The following ZNF611 variants were observed in gnomAD, a reference collection of about 807,000 sequenced individuals.
The protein encoded by ZNF611 is zinc finger protein 611.
A neutral mutation model predicts 8.9 loss-of-function variants in ZNF611; 6 were observed. The observed-to-expected ratio is 0.68, with a 90% CI of 0.37 to 1.34. The LOEUF (loss-of-function observed/expected upper bound fraction) is 1.34. ZNF611 is among the 40% of genes most tolerant of loss of function. The pLI is 0.02. For missense variants in ZNF611, 874 were observed against 841.3 expected (o/e 1.04, Z -0.48); for synonymous variants, 262 against 279.7 (o/e 0.94, Z 0.63).
intron 1 of ZNF611, among the ~76,000 whole-genome samples, chr19:52,731,517 T>C (rs1027183632): frequency 4.6e-5 from 7 of 151,928 alleles, no homozygotes; most frequent in African/African-American, 1.7e-4. Flanking sequence ...GAGTCTGCCA[T>C]CACTACCGGC....
rs557712639 is a variant in ZNF611 at position 52,731,614 on chromosome 19, A to G, written c.-221-1609T>C. Among the ~76,000 whole-genome samples the G allele has an allele frequency of 6.0e-5, 9 of 151,028 alleles. No homozygotes were observed. The South Asian group carries it at 6.3e-4, about 11-fold the overall frequency. Reference sequence around the variant, plus strand: ...GAACTCCTGACCTCGTGATCCACCCACCTTGGCTTCCCAAAGTGCTGGGAT... The same window carrying G: ...GAACTCCTGACCTCGTGATCCACCCGCCTTGGCTTCCCAAAGTGCTGGGAT... On this transcript the variant is annotated intron_variant, in intron 1 of 5. Coordinates refer to ENST00000652185, the MANE Select transcript of ZNF611 (RefSeq NM_001161499.2).
intron 5 of ZNF611, chr19:52,707,606 A>T (rs561191244): frequency 4.0e-4 from 61 of 152,166 alleles, no homozygotes; most frequent in African/African-American, 1.5e-3. Context: ...AATTACCTAT[A>T]AGAACAGGCA....
Position 52,706,009 on chromosome 19 carries a change from T to A in ZNF611, c.1046A>T (p.Asp349Val). 1 of 1,614,160 alleles carries A rather than the reference T, an allele frequency of 6.2e-7. No individual in the cohort carries two copies. Among genetic ancestry groups the A allele is most frequent in the Non-Finnish European group, 8.5e-7 (1 of 1,180,034 alleles). ...GENPYKCNEC[D>V]KAFNQQSQLS... The stretch of plus-strand genomic sequence containing the variant: ...TTGTGATTGTTGATTAAAAGCCTTG[T>A]CACATTCATTACACTTGTAAGGATT... Residue 349 changes from aspartate to valine, a missense_variant, in exon 6 of 6, where the codon GAC becomes GTC. Asp to Val is a radical substitution (Grantham distance 152, BLOSUM62 -3). Coordinates refer to ENST00000652185, the MANE Select transcript of ZNF611 (RefSeq NM_001161499.2).
At chr19:52,729,339 C>T (rs978874361) in intron 2 of ZNF611, among the ~76,000 whole-genome samples, 4 of 151,078 alleles carry the variant, frequency 2.6e-5, no homozygotes, top group Non-Finnish European at 5.9e-5. Flanking sequence ...GAAAAGATTA[C>T]AAAATTAGCC....
chr19:52,710,817 T>C (rs1443441471), intron 5 of ZNF611, among the ~76,000 whole-genome samples: 1 of 152,148 alleles, frequency 6.6e-6, no homozygotes, highest in Non-Finnish European at 1.5e-5. Context: ...ATAGTACTCA[T>C]TTGTTTTAAA....
rs983578933 is a variant in ZNF611, at chr19:52,718,277, T to C, written c.-19-2364A>G. Among the ~76,000 whole-genome samples the C allele has an allele frequency of 2.0e-5, 3 of 151,966 alleles. No individual in the cohort carries two copies. In the East Asian group the frequency reaches 5.8e-4, roughly 29 times the overall value. ...ATCCCTTAACCCCAGGAGATGAAGG[T>C]TGCAGTGAGACGAGATCATGCCACT... On this transcript the variant is annotated intron_variant, in intron 3 of 5. Transcript: ENST00000652185.
intron 3 of ZNF611, among the ~76,000 whole-genome samples, chr19:52,725,226 G>A (rs983321008): frequency 6.6e-6 from 1 of 152,178 alleles, no homozygotes; most frequent in Non-Finnish European, 1.5e-5. Flanking sequence ...GGTGACTGCG[G>A]AGGGAAGACT....
chr19:52,729,626 A>AGT (rs1871592553), intron 2 of ZNF611, among the ~76,000 whole-genome samples: 1 of 152,182 alleles, frequency 6.6e-6, no homozygotes. Flanking sequence ...TAACAAGTGC[A>AGT]GTGTATCAGT....
chr19:52,711,714 C>T (rs1211689202), intron 5 of ZNF611, among the ~76,000 whole-genome samples: 1 of 152,130 alleles, frequency 6.6e-6, no homozygotes, highest in Non-Finnish European at 1.5e-5. Context: ...ATTTAAGCGG[C>T]CTCCTATAAT....
intron 3 of ZNF611, among the ~76,000 whole-genome samples, chr19:52,718,170 T>C (rs1399788720): frequency 6.6e-6 from 1 of 151,904 alleles, no homozygotes. Flanking sequence ...AGAAACCATG[T>C]CTCTACTAAA....
intron 5 of ZNF611, among the ~76,000 whole-genome samples, chr19:52,710,531 A>C (rs1029184631): frequency 2.0e-5 from 3 of 152,062 alleles, no homozygotes. Context: ...TGCCCGTCCA[A>C]TGTTTTTTAA....
In ZNF611 at chr19:52,703,121, A is replaced by G. The variant is rs2147410868; in HGVS notation, c.*1816T>C. 1 of 152,348 alleles carries G rather than the reference A, an allele frequency of 6.6e-6. No homozygotes were observed. The highest frequency in any genetic ancestry group is 1.5e-5 in the Non-Finnish European group (1 of 68,030). The allele number at this position is 152,348 out of a possible 1,614,324, so 9.4% of individuals were successfully genotyped here. On this transcript the variant is annotated 3_prime_UTR_variant, in exon 6 of 6. Coordinates refer to ENST00000652185, the MANE Select transcript of ZNF611 (RefSeq NM_001161499.2). The stretch of plus-strand genomic sequence containing the variant: ...AGGCATCTTTCAGAAGTCATTATGT[A>G]TTAAGAAATACAACTTTTATAACTT...
intron 4 of ZNF611, 60 bp downstream of exon 4, chr19:52,715,772 A>G: frequency 6.3e-7 from 1 of 1,599,406 alleles, no homozygotes; most frequent in South Asian, 1.1e-5. Context: ...TGGCTGCTAC[A>G]ATACCTGGCA....
At chr19:52,713,752 G>GT (rs2062295714) in intron 5 of ZNF611, among the ~76,000 whole-genome samples, 1 of 152,088 alleles carries the variant, frequency 6.6e-6, no homozygotes, top group African/African-American at 2.4e-5. Flanking sequence ...TTAGCTGGGT[G>GT]TGGTCTCGCA....
chr19:52,716,121 G>GAGA (rs2062315713), intron 3 of ZNF611: 3 of 556,356 alleles, frequency 5.4e-6, no homozygotes, highest in Non-Finnish European at 9.4e-6. Flanking sequence ...CTCTCTCCTG[G>GAGA]AGAAGCCACC....
chr19:52,720,083 G>A (rs1034595712), intron 3 of ZNF611, among the ~76,000 whole-genome samples: 3 of 152,284 alleles, frequency 2.0e-5, no homozygotes, highest in Non-Finnish European at 4.4e-5. Flanking sequence ...GCACGGGGTT[G>A]GGGGTAGGGT....
In ZNF611 at chr19:52,730,017, A is replaced by G. The variant is rs1472219233; in HGVS notation, c.-221-12T>C. On this transcript the variant is annotated splice_polypyrimidine_tract_variant and intron_variant, in intron 1 of 5. Transcript: ENST00000652185. ...CGTTATCTAGTCAACTGTGCAAAAA[A>G]TATAGAAAGTGTACTGGGAAAATTT... is the stretch of plus-strand genomic sequence containing the variant. The G allele has an allele frequency of 6.6e-6, 1 of 152,216 alleles. No homozygotes were observed. Among genetic ancestry groups the G allele is most frequent in the African/African-American group, 2.4e-5 (1 of 41,456 alleles). 9.4% of individuals were successfully genotyped at this position (152,216 alleles called of 1,614,324 possible).
At chr19:52,728,172 G>A (rs953170132) in intron 3 of ZNF611, among the ~76,000 whole-genome samples, 3 of 152,070 alleles carry the variant, frequency 2.0e-5, no homozygotes, top group Non-Finnish European at 4.4e-5. Context: ...TCCCAAAGTG[G>A]TGGGATTACA....
intron 5 of ZNF611, among the ~76,000 whole-genome samples, chr19:52,707,161 A>G (rs994039162): frequency 1.3e-5 from 2 of 151,790 alleles, no homozygotes; most frequent in African/African-American, 4.8e-5. Context: ...CTGTATCACA[A>G]TTTGCAAAAA....
Sources: allele counts gnomAD v4.1 joint callset (sites outside exome capture counted in the v4.1 genomes callset), GRCh38; gene constraint gnomAD v4.1.1; transcripts MANE v1.5; gene names NCBI Gene and HGNC (gene_info 2026-07-23, HGNC 2026-07-21).